ABCC4: variants seen among roughly 807,000 people sequenced by gnomAD.
ABCC4 encodes the protein ATP binding cassette subfamily C member 4 (PEL blood group).
Under a neutral mutation model 168.5 loss-of-function variants are expected in ABCC4, and 102 were observed. That is an observed-to-expected ratio of 0.61 (90% CI 0.52 to 0.71). The LOEUF is 0.71. ABCC4 is among the 30% of genes least tolerant of loss of function. The probability of loss-of-function intolerance (pLI) is 0.00; values close to 1 mark genes in which losing one functional copy is unlikely to be tolerated. For missense variants in ABCC4, 1,402 were observed against 1,605.8 expected, an observed-to-expected ratio of 0.87 and a Z score of 2.17; for synonymous variants, 617 against 590.7, an observed-to-expected ratio of 1.04 and a Z score of -0.65.
chr13:95,063,056 C>T (rs1566383373), intron 25 of ABCC4, among the ~76,000 whole-genome samples, 197 bp from the exon 26 acceptor site: 1 of 152,160 alleles, frequency 6.6e-6, no homozygotes, highest in Non-Finnish European at 1.5e-5. Flanking sequence ...CTGCCCCAGG[C>T]ATTGTGGGAG....
intron 29 of ABCC4, among the ~76,000 whole-genome samples, chr13:95,042,575 C>G (rs1349900485): frequency 6.6e-6 from 1 of 152,084 alleles, no homozygotes; most frequent in Non-Finnish European, 1.5e-5. Context: ...AGACATTACT[C>G]AAGAGAGAAA....
At chr13:95,226,911 T>C (rs1279238077) in intron 4 of ABCC4, among the ~76,000 whole-genome samples, 1 of 152,228 alleles carries the variant, frequency 6.6e-6, no homozygotes, top group African/African-American at 2.4e-5. Flanking sequence ...GTCTTAGTTA[T>C]AAAGCATAAA....
chr13:95,296,179 C>CAA (rs1208104801), intron 1 of ABCC4, among the ~76,000 whole-genome samples: 2 of 36,162 alleles, frequency 5.5e-5, no homozygotes, highest in African/African-American at 2.2e-4. Context: ...CACACACACA[C>CAA]ACACAAAAAC....
intron 4 of ABCC4, among the ~76,000 whole-genome samples, chr13:95,228,686 C>G (rs7324070): frequency 2.0e-5 from 3 of 151,848 alleles, no homozygotes; most frequent in African/African-American, 7.3e-5. Context: ...ATCACTTGAA[C>G]CCGGGAGGCG....
intron 4 of ABCC4, among the ~76,000 whole-genome samples, chr13:95,214,903 A>G (rs975865965): frequency 1.4e-5 from 2 of 143,110 alleles, no homozygotes; most frequent in African/African-American, 2.6e-5. Context: ...AAAAAAAAAA[A>G]CACCTGTCAA....
chr13:95,143,800 C>G (rs1370192478), intron 19 of ABCC4, among the ~76,000 whole-genome samples: 1 of 152,090 alleles, frequency 6.6e-6, no homozygotes, highest in African/African-American at 2.4e-5. Flanking sequence ...GTCTAGAAAA[C>G]GTATGCCCAT....
chr13:95,085,255 G>A (rs1678347), intron 20 of ABCC4, among the ~76,000 whole-genome samples: 134,415 of 151,480 alleles, frequency 0.89, 60,199 homozygotes, highest in Non-Finnish European at 0.95. Flanking sequence ...CCTGGCCAAC[G>A]TGGTGAAACC....
chr13:95,043,606 G>C lies in ABCC4; in HGVS notation c.3735+76C>G, dbSNP rs200900349. The C allele has an allele frequency of 3.0e-6, 4 of 1,315,940 alleles. No individual in the cohort carries two copies. In the East Asian group the frequency reaches 9.3e-5, roughly 31 times the overall value. 81.5% of individuals were successfully genotyped at this position (1,315,940 alleles called of 1,614,324 possible). Reference sequence around the variant, plus strand: ...TTAACTTACTAGGGGTTTCTATCAAGTTTTACAAGGAAGGAATAAACTGAA... The same window carrying C: ...TTAACTTACTAGGGGTTTCTATCAACTTTTACAAGGAAGGAATAAACTGAA... On this transcript the variant is annotated intron_variant, in intron 29 of 30. Coordinates refer to ENST00000645237, the MANE Select transcript of ABCC4 (RefSeq NM_005845.5).
chr13:95,103,427 C>T (rs2034884389), intron 20 of ABCC4, among the ~76,000 whole-genome samples: 1 of 152,132 alleles, frequency 6.6e-6, no homozygotes, highest in Non-Finnish European at 1.5e-5. Flanking sequence ...GAATTGAGAA[C>T]AGCTCCAATT....
At chr13:95,035,545 A>C (rs112520183) in intron 29 of ABCC4, among the ~76,000 whole-genome samples, 32 of 152,300 alleles carry the variant, frequency 2.1e-4, no homozygotes, top group African/African-American at 7.5e-4. Context: ...CCCAGTCTGC[A>C]TTGCTGAGGG....
intron 25 of ABCC4, among the ~76,000 whole-genome samples, chr13:95,071,290 C>G (rs1336321181): frequency 6.6e-6 from 1 of 152,158 alleles, no homozygotes; most frequent in East Asian, 1.9e-4. Context: ...AAGGCTGGAA[C>G]AGAAGCTGCA....
intron 1 of ABCC4, among the ~76,000 whole-genome samples, chr13:95,262,329 A>G (rs926850088): frequency 6.6e-6 from 1 of 152,252 alleles, no homozygotes; most frequent in African/African-American, 2.4e-5. Context: ...AGGGAGAACC[A>G]GAACAAAGCA....
intron 19 of ABCC4, among the ~76,000 whole-genome samples, chr13:95,137,217 G>C (rs2036170151): frequency 6.6e-6 from 1 of 152,206 alleles, no homozygotes; most frequent in African/African-American, 2.4e-5. Context: ...GACTAAGCCA[G>C]ATCACTGGTC....
chr13:95,281,335 A>G (rs2041122094), intron 1 of ABCC4, among the ~76,000 whole-genome samples: 2 of 150,498 alleles, frequency 1.3e-5, no homozygotes, highest in Admixed American at 6.6e-5. Flanking sequence ...GAGAGAGAGA[A>G]AGTTGAGAGC....
intron 13 of ABCC4, among the ~76,000 whole-genome samples, chr13:95,172,252 T>C (rs779422178): frequency 6.6e-6 from 1 of 152,222 alleles, no homozygotes; most frequent in Non-Finnish European, 1.5e-5. Context: ...GTGATTGATG[T>C]AGCAATGAGC....
intron 30 of ABCC4, among the ~76,000 whole-genome samples, chr13:95,022,482 C>G (rs1487185432): frequency 6.6e-6 from 1 of 152,126 alleles, no homozygotes; most frequent in African/African-American, 2.4e-5. Flanking sequence ...GTAGCTGTAT[C>G]GTATCTTGGT....
chr13:95,300,650 T>C (rs1259474514), intron 1 of ABCC4, among the ~76,000 whole-genome samples: 2 of 151,452 alleles, frequency 1.3e-5, no homozygotes, highest in African/African-American at 4.9e-5. Flanking sequence ...CAACGGGACG[T>C]GGAGTTGGAT....
chr13:95,173,454 T>C (rs1194792060), intron 13 of ABCC4, among the ~76,000 whole-genome samples: 1 of 152,198 alleles, frequency 6.6e-6, no homozygotes, highest in African/African-American at 2.4e-5. Context: ...TCTGTGTCTT[T>C]CATTTTTCTC....
Position 95,234,642 on chromosome 13 carries a change from G to C in ABCC4, c.499C>G (p.Arg167Gly), listed in dbSNP as rs529536678. 6.2e-7 allele frequency: 1 copy of C among 1,614,024 alleles called. No homozygotes were observed. Among genetic ancestry groups the C allele is most frequent in the Non-Finnish European group, 8.5e-7 (1 of 1,179,966 alleles). The change falls in exon 4 of 31, where the codon CGA becomes GGA. Residue 167 changes from arginine (R) to glycine (G), a missense_variant. This residue lies in a region of ABCC4 where 317 missense variants were observed against 345.5 expected (regional missense o/e 0.92). Transcript: ENST00000645237. ...TAAATCATATGGCACATGGCTACTC[G>C]TAACCTCATCCCAGCACACTGAACG... Reference protein sequence around the residue: ...YHVQCAGMRLRVAMCHMIYRK... With the variant: ...YHVQCAGMRLGVAMCHMIYRK...
Sources: allele counts gnomAD v4.1 joint callset (sites outside exome capture counted in the v4.1 genomes callset), GRCh38; gene constraint gnomAD v4.1.1; regional missense constraint gnomAD v4.1.1; transcripts MANE v1.5; gene names NCBI Gene and HGNC (gene_info 2026-07-23, HGNC 2026-07-21).